The following NRP2 variants were observed in gnomAD, a reference collection of about 807,000 sequenced individuals.
The protein encoded by NRP2 is neuropilin 2.
In NRP2, 52 loss-of-function variants were observed where a neutral mutation model predicts 110.4. The ratio of observed to expected loss-of-function variants is 0.47; its 90% CI spans 0.38 to 0.59. The LOEUF (loss-of-function observed/expected upper bound fraction) is 0.59, where lower values mean the gene tolerates loss of function less well. Ranked by LOEUF, NRP2 falls within the 20% of genes least tolerant of loss-of-function variation. The pLI, the probability that NRP2 is intolerant of heterozygous loss-of-function variation, is 0.00. For synonymous variants in NRP2, 508 were observed against 468.9 expected (o/e 1.08, Z -1.08); for missense variants, 1,049 against 1,203.0 (o/e 0.87, Z 1.89).
intron 1 of NRP2, 131 bp from the exon 2 acceptor site, chr2:205,697,413 C>T (rs1035402309): frequency 4.8e-5 from 43 of 892,968 alleles, no homozygotes; most frequent in Non-Finnish European, 7.1e-5. Context: ...GTAGGTTAGT[C>T]TTCTGGACTG....
At chr2:205,749,146 C>A (rs2057594564) in intron 10 of NRP2, among the ~76,000 whole-genome samples, 1 of 152,192 alleles carries the variant, frequency 6.6e-6, no homozygotes, top group Non-Finnish European at 1.5e-5. Flanking sequence ...GTCATGGAGG[C>A]CACCTTTAAA....
intron 4 of NRP2, among the ~76,000 whole-genome samples, chr2:205,723,057 G>T (rs2057053972): frequency 6.6e-6 from 1 of 152,166 alleles, no homozygotes; most frequent in Non-Finnish European, 1.5e-5. Context: ...AGACTGGCCG[G>T]GCTTAACTCC....
chr2:205,684,863 G>C (rs1246584293), intron 1 of NRP2, among the ~76,000 whole-genome samples: 1 of 152,246 alleles, frequency 6.6e-6, no homozygotes, highest in East Asian at 1.9e-4. Flanking sequence ...GATTCGCTGT[G>C]TGTGTGTGCA....
rs919546661 is a variant in NRP2, at chr2:205,752,513, G to A, written c.1904-322G>A. 1.1e-5 allele frequency: 4 copies of A among 368,636 alleles called. No homozygotes were observed. The Admixed American group carries it at 1.6e-4, about 15-fold the overall frequency. The allele number at this position is 368,636 out of a possible 1,614,324, so 22.8% of individuals were successfully genotyped here. A position where few individuals can be genotyped will look rare whatever the true frequency, so the allele number is the denominator to read the frequency against. Reference sequence around the variant, plus strand: ...GAGACATTCTTCTCTGGCATTTAGGGAACAGCAATTTTCACATTTGTCTGC... The same window carrying A: ...GAGACATTCTTCTCTGGCATTTAGGAAACAGCAATTTTCACATTTGTCTGC... On this transcript the variant is annotated intron_variant, in intron 11 of 16. Transcript: ENST00000357785.
chr2:205,727,829 A>G, intron 6 of NRP2, 62 bp from the exon 7 acceptor site: 1 of 1,526,066 alleles, frequency 6.6e-7, no homozygotes, highest in African/African-American at 1.4e-5. Flanking sequence ...CCTTTGGAAA[A>G]AAACAAGACA....
At chr2:205,749,934 T>C (rs1469758632) in intron 11 of NRP2, 93 bp downstream of exon 11, 12 of 963,038 alleles carry the variant, frequency 1.2e-5, no homozygotes, top group Non-Finnish European at 1.7e-5. Flanking sequence ...GTCCCCCAGA[T>C]CAGAGATCCA....
chr2:205,722,614 G>A lies in NRP2; in HGVS notation c.570G>A (p.Gln190=). Residue 190 remains glutamine (Q), a synonymous_variant, in exon 4 of 17, where the codon CAG becomes CAA. Coordinates refer to ENST00000357785, the MANE Select transcript of NRP2 (RefSeq NM_003872.3). ...AACCCAAGATGGAGATCATCCTGCA[G>A]TTCCTGATCTTTGACCTGGAGCATG... ...LAKPKMEIIL[Q]FLIFDLEHDP... 6.2e-7 allele frequency: 1 copy of A among 1,614,222 alleles called. No individual in the cohort carries two copies. Among genetic ancestry groups the A allele is most frequent in the African/African-American group, 1.3e-5 (1 of 75,060 alleles).
intron 10 of NRP2, among the ~76,000 whole-genome samples, chr2:205,747,635 A>G (rs2057562165): frequency 6.6e-6 from 1 of 152,188 alleles, no homozygotes; most frequent in Non-Finnish European, 1.5e-5. Flanking sequence ...GGTTTGGGAA[A>G]TATCACAGAC....
At chr2:205,764,079 T>C (rs999356336) in intron 13 of NRP2, 143 bp downstream of exon 13, 1 of 1,065,496 alleles carries the variant, frequency 9.4e-7, no homozygotes, top group Non-Finnish European at 1.3e-6. Flanking sequence ...GACACTCTTA[T>C]TTGTTATTCA....
At chr2:205,734,629 A>G (rs1355616828) in intron 7 of NRP2, among the ~76,000 whole-genome samples, 5 of 152,126 alleles carry the variant, frequency 3.3e-5, no homozygotes, top group Non-Finnish European at 5.9e-5. Flanking sequence ...ACTAGTTTTA[A>G]AAACATGCTT....
chr2:205,682,744 C>T lies in NRP2; in HGVS notation c.-547C>T, dbSNP rs2056042276. 2 of 158,286 alleles carry T rather than the reference C, an allele frequency of 1.3e-5. No homozygotes were observed. The highest frequency in any genetic ancestry group is 2.8e-5 in the Non-Finnish European group (2 of 71,698). 9.8% of individuals were successfully genotyped at this position (158,286 alleles called of 1,614,324 possible). On this transcript the variant is annotated 5_prime_UTR_variant, in exon 1 of 17. Transcript: ENST00000357785. The surrounding 1 kb of genome is among the most constrained non-coding windows in gnomAD (Gnocchi z 4.3). ...GTGTAGCCGTTGGGGGAGGCTCCCGCCGGGGGAACCCGGCGAGGACAAGAG... is the reference window on the plus strand; with the variant it reads ...GTGTAGCCGTTGGGGGAGGCTCCCGTCGGGGGAACCCGGCGAGGACAAGAG...
intron 2 of NRP2, among the ~76,000 whole-genome samples, chr2:205,715,566 G>A (rs1252123953): frequency 2.0e-5 from 3 of 152,170 alleles, no homozygotes; most frequent in Non-Finnish European, 4.4e-5. Flanking sequence ...TTAGGGAGGC[G>A]GTGGCCCACG....
At chr2:205,779,471 A>G (rs936634471) in intron 15 of NRP2, 3 of 152,252 alleles carry the variant, frequency 2.0e-5, no homozygotes, top group Admixed American at 6.5e-5. Flanking sequence ...CCGATCTTTA[A>G]GAAGACCCTG....
chr2:205,770,010 G>A (rs1213503089), intron 15 of NRP2, among the ~76,000 whole-genome samples: 2 of 152,188 alleles, frequency 1.3e-5, no homozygotes, highest in African/African-American at 2.4e-5. Context: ...TCACCTTGGA[G>A]GCAAGAGTTT....
chr2:205,759,932 A>G (rs2057794729), intron 12 of NRP2, among the ~76,000 whole-genome samples: 1 of 152,190 alleles, frequency 6.6e-6, no homozygotes, highest in African/African-American at 2.4e-5. Context: ...CATTTTACAG[A>G]TGGAAAGACT....
chr2:205,711,163 C>T (rs1032014047), intron 2 of NRP2, among the ~76,000 whole-genome samples: 1 of 152,164 alleles, frequency 6.6e-6, no homozygotes. Context: ...ACATGGAACA[C>T]CAGCCTGAAG....
At chr2:205,755,957 C>A (rs991611835) in intron 12 of NRP2, among the ~76,000 whole-genome samples, 3 of 152,174 alleles carry the variant, frequency 2.0e-5, no homozygotes, top group African/African-American at 4.8e-5. Flanking sequence ...TATGTGGAAA[C>A]TGCTTACATT....
intron 15 of NRP2, among the ~76,000 whole-genome samples, chr2:205,784,614 T>C (rs3770997): frequency 0.38 from 57,267 of 152,004 alleles, 11,688 homozygotes; most frequent in South Asian, 0.66. Flanking sequence ...CACAAACCCA[T>C]CACTGCTTTC....
At chr2:205,767,145 CAAA>C (rs60081325) in intron 15 of NRP2, 363 of 260,468 alleles carry the variant, frequency 1.4e-3, no homozygotes, top group Middle Eastern at 3.9e-3. Flanking sequence ...AAGACTGAAC[CAAA>C]AAAAAAAAAA....
Sources: gnomAD v4.1 joint callset for allele counts (sites outside exome capture counted in the v4.1 genomes callset) on GRCh38, gnomAD v4.1.1 for gene constraint, Gnocchi (gnomAD v3.1) non-coding constraint, MANE v1.5 for transcripts, NCBI Gene and HGNC (gene_info 2026-07-23, HGNC 2026-07-21) for gene names.